Variants in LRRC7 observed in about 807,000 individuals in gnomAD.
LRRC7 encodes leucine rich repeat containing 7.
Under a neutral mutation model 175.7 loss-of-function variants are expected in LRRC7, and 23 were observed. The ratio of observed to expected loss-of-function variants is 0.13; its 90% confidence interval spans 0.09 to 0.19. The LOEUF is 0.19. Ranked by LOEUF, LRRC7 falls within the 10% of genes least tolerant of loss-of-function variation. The pLI is 1.00. For missense variants in LRRC7, 1,354 were observed against 1,904.7 expected (o/e 0.71, Z 5.38); for synonymous variants, 685 against 680.9 (o/e 1.01, Z -0.09).
chr1:69,888,924 AG>A (rs530269417), intron 7 of LRRC7, among the ~76,000 whole-genome samples: 233 of 152,302 alleles, frequency 1.5e-3, no homozygotes, highest in African/African-American at 5.3e-3. Flanking sequence ...CATACCTCAG[AG>A]ATATTGCAGA....
chr1:69,832,563 C>T (rs1447237706), intron 5 of LRRC7, among the ~76,000 whole-genome samples: 1 of 152,050 alleles, frequency 6.6e-6, no homozygotes, highest in African/African-American at 2.4e-5. Context: ...ATGATTATTA[C>T]TATTTTATAT....
chr1:69,720,767 T>A (rs762558938), intron 2 of LRRC7, among the ~76,000 whole-genome samples: 2 of 151,834 alleles, frequency 1.3e-5, no homozygotes, highest in Non-Finnish European at 3.0e-5. Flanking sequence ...CAGTCATTAA[T>A]CTTATTGTTG....
intron 7 of LRRC7, among the ~76,000 whole-genome samples, chr1:69,915,735 G>A (rs924594895): frequency 8.6e-5 from 13 of 151,816 alleles, no homozygotes; most frequent in African/African-American, 3.1e-4. Flanking sequence ...TTTCTTAGAC[G>A]ATCTCTAAAG....
intron 2 of LRRC7, among the ~76,000 whole-genome samples, chr1:69,681,378 CACTCTTTCATTTGGAGATA>C (rs1660470123): frequency 6.6e-6 from 1 of 152,136 alleles, no homozygotes; most frequent in African/African-American, 2.4e-5. Context: ...GTAAGGAAAT[CACTCTTTCATTTGGAGATA>C]CTGTATACGG....
At chr1:69,600,548 G>A (rs898221334) in intron 1 of LRRC7, among the ~76,000 whole-genome samples, 2 of 152,084 alleles carry the variant, frequency 1.3e-5, no homozygotes, top group African/African-American at 2.4e-5. Context: ...TATCAGTATG[G>A]ACTCATTGAT....
intron 1 of LRRC7, among the ~76,000 whole-genome samples, chr1:69,656,951 GAA>G (rs768577668): frequency 6.6e-6 from 1 of 151,096 alleles, no homozygotes; most frequent in Non-Finnish European, 1.5e-5. Context: ...TATTTAAAAG[GAA>G]AAGAGAGAGA....
rs967708077 is a variant in LRRC7 at position 70,128,161 on chromosome 1, C to T, written c.*6274C>T. On this transcript the variant is annotated 3_prime_UTR_variant, in exon 27 of 27. Transcript: ENST00000651989. ...ATTTTTAGTAGGGACAGGGTTTCAC[C>T]GTGTTGGCCAGGCTGGTCTCGAACA... Among the ~76,000 whole-genome samples the T allele has an allele frequency of 2.6e-5, 4 of 152,054 alleles. No homozygotes were observed. Among genetic ancestry groups the T allele is most frequent in the Admixed American group, 1.3e-4 (2 of 15,260 alleles).
intron 1 of LRRC7, among the ~76,000 whole-genome samples, chr1:69,667,297 T>C (rs964577471): frequency 4.8e-4 from 71 of 148,576 alleles, no homozygotes; most frequent in African/African-American, 1.8e-3. Flanking sequence ...GGATGAAATG[T>C]TCTGTAAATA....
intron 2 of LRRC7, among the ~76,000 whole-genome samples, chr1:69,685,674 G>A (rs1007531567): frequency 6.6e-6 from 1 of 152,008 alleles, no homozygotes; most frequent in African/African-American, 2.4e-5. Flanking sequence ...TACTCAATAT[G>A]AACAACAAGG....
chr1:69,814,433 T>C (rs1335089975), intron 4 of LRRC7, among the ~76,000 whole-genome samples: 1 of 152,180 alleles, frequency 6.6e-6, no homozygotes, highest in African/African-American at 2.4e-5. Flanking sequence ...ACTATAATTT[T>C]ATCTAGAATT....
intron 1 of LRRC7, among the ~76,000 whole-genome samples, chr1:69,652,397 C>T (rs759745981): frequency 7.9e-5 from 12 of 151,888 alleles, no homozygotes; most frequent in Non-Finnish European, 1.3e-4. Context: ...TAAAGTAACA[C>T]CAACAAAAAT....
At chr1:70,064,750 T>A (rs1487804539) in intron 23 of LRRC7, among the ~76,000 whole-genome samples, 1 of 151,862 alleles carries the variant, frequency 6.6e-6, no homozygotes, top group Non-Finnish European at 1.5e-5. Context: ...TTGTTTTTAT[T>A]GGTCTATGCA....
At chr1:69,635,233 C>T (rs1446195613) in intron 1 of LRRC7, among the ~76,000 whole-genome samples, 2 of 152,212 alleles carry the variant, frequency 1.3e-5, no homozygotes, top group African/African-American at 4.8e-5. Flanking sequence ...CAGCTCCATC[C>T]ATGTCCCTGC....
At chr1:70,008,326 T>C (rs1656177443) in intron 11 of LRRC7, among the ~76,000 whole-genome samples, 1 of 152,216 alleles carries the variant, frequency 6.6e-6, no homozygotes, top group South Asian at 2.1e-4. Flanking sequence ...TTAATCTCTT[T>C]TGGCAACACC....
chr1:70,105,263 A>G (rs921031180), intron 25 of LRRC7, among the ~76,000 whole-genome samples: 3 of 152,118 alleles, frequency 2.0e-5, no homozygotes, highest in African/African-American at 7.2e-5. Context: ...TTTTGAATTG[A>G]CCATTTTTAC....
At chr1:69,766,966 G>A (rs1309692301) in intron 3 of LRRC7, among the ~76,000 whole-genome samples, 2 of 152,070 alleles carry the variant, frequency 1.3e-5, no homozygotes, top group Admixed American at 6.6e-5. Flanking sequence ...TTGCACAGCC[G>A]TCATCACTGT....
chr1:69,719,132 A>G (rs1201398032), intron 2 of LRRC7, among the ~76,000 whole-genome samples: 1 of 151,812 alleles, frequency 6.6e-6, no homozygotes, highest in Non-Finnish European at 1.5e-5. Flanking sequence ...AATTTAAAGT[A>G]TGTTAGTTAA....
intron 1 of LRRC7, among the ~76,000 whole-genome samples, chr1:69,633,237 A>G (rs1437650337): frequency 6.6e-6 from 1 of 151,970 alleles, no homozygotes; most frequent in African/African-American, 2.4e-5. Flanking sequence ...TAAATCTACA[A>G]TTACTGTCCT....
At chr1:69,728,230 C>G (rs1256907703) in intron 2 of LRRC7, among the ~76,000 whole-genome samples, 3 of 152,140 alleles carry the variant, frequency 2.0e-5, no homozygotes, top group Non-Finnish European at 4.4e-5. Context: ...ACAACCCCCA[C>G]TCACACTCTC....
Sources: gnomAD v4.1 joint callset for allele counts (sites outside exome capture counted in the v4.1 genomes callset) on GRCh38, gnomAD v4.1.1 for gene constraint, MANE v1.5 for transcripts, NCBI Gene and HGNC (gene_info 2026-07-23, HGNC 2026-07-21) for gene names.